The following CYFIP2 variants were observed in gnomAD, a reference collection of about 807,000 sequenced individuals.
CYFIP2 encodes cytoplasmic FMR1-interacting protein 2.
Under a neutral mutation model 158.7 loss-of-function variants are expected in CYFIP2, and 29 were observed. The observed-to-expected ratio is 0.18, with a 90% CI of 0.14 to 0.25. The LOEUF (loss-of-function observed/expected upper bound fraction) is 0.25. Ranked by LOEUF, CYFIP2 falls within the 10% of genes least tolerant of loss-of-function variation. The pLI, the probability that CYFIP2 is intolerant of heterozygous loss-of-function variation, is 1.00. For synonymous variants in CYFIP2, 585 were observed against 617.6 expected (o/e 0.95, Z 0.78); for missense variants, 852 against 1,639.5 (o/e 0.52, Z 8.29).
At chr5:157,332,055 G>A (rs1237306616) in intron 20 of CYFIP2, among the ~76,000 whole-genome samples, 2 of 152,158 alleles carry the variant, frequency 1.3e-5, no homozygotes, top group East Asian at 3.9e-4. Flanking sequence ...CCCTTGCTGA[G>A]GCAGCTGCTG....
intron 1 of CYFIP2, among the ~76,000 whole-genome samples, chr5:157,280,363 A>ATTTTTTTTTTTTTTTTT (rs57893061): frequency 2.9e-4 from 39 of 133,208 alleles, no homozygotes; most frequent in Non-Finnish European, 4.8e-4. Flanking sequence ...CGCCTGGCTA[A>ATTTTTTTTTTTTTTTTT]TTTTTTTTTT....
At chr5:157,325,696 G>A in intron 17 of CYFIP2, 58 bp downstream of exon 17, 1 of 1,506,070 alleles carries the variant, frequency 6.6e-7, no homozygotes, top group Non-Finnish European at 8.9e-7. Flanking sequence ...AGGGCAGTTT[G>A]CCAGGGAGAT....
chr5:157,317,842 T>C (rs1760271487), intron 13 of CYFIP2, among the ~76,000 whole-genome samples: 1 of 152,194 alleles, frequency 6.6e-6, no homozygotes, highest in African/African-American at 2.4e-5. Flanking sequence ...CATCATTTGA[T>C]GAGTTTTGGT....
At chr5:157,314,575 A>G (rs895309) in intron 12 of CYFIP2, 112 bp downstream of exon 12, 387,813 of 1,394,092 alleles carry the variant, frequency 0.28, 56,823 homozygotes, top group African/African-American at 0.48. Flanking sequence ...CAATTCACGT[A>G]CCATACGATT....
intron 23 of CYFIP2, among the ~76,000 whole-genome samples, chr5:157,355,731 A>G (rs1480969972): frequency 6.6e-6 from 1 of 152,204 alleles, no homozygotes. Context: ...CCTTTCTGAA[A>G]TATTTGAAAA....
chr5:157,293,012 ATG>A (rs1757951604), intron 3 of CYFIP2, among the ~76,000 whole-genome samples: 2 of 42,338 alleles, frequency 4.7e-5, no homozygotes, highest in African/African-American at 4.1e-4. Context: ...GAGCCCAGAT[ATG>A]TATGTATGTA....
chr5:157,303,086 C>T, intron 7 of CYFIP2, 196 bp downstream of exon 7: 2 of 536,828 alleles, frequency 3.7e-6, no homozygotes, highest in Non-Finnish European at 6.7e-6. Context: ...TCACCCTCTC[C>T]AGTTGTCATG....
At chr5:157,301,042 G>A in intron 6 of CYFIP2, 146 bp downstream of exon 6, 3 of 675,272 alleles carry the variant, frequency 4.4e-6, no homozygotes, top group East Asian at 3.0e-5. Context: ...GTGAGGCTTG[G>A]CCTGTTTCAG....
intron 11 of CYFIP2, among the ~76,000 whole-genome samples, chr5:157,313,106 C>G (rs971049278): frequency 3.9e-5 from 6 of 152,230 alleles, no homozygotes; most frequent in Admixed American, 3.3e-4. Context: ...CATGTTGAGT[C>G]TCATTATTCA....
intron 21 of CYFIP2, among the ~76,000 whole-genome samples, chr5:157,335,122 T>C (rs547300597): frequency 1.3e-3 from 197 of 152,350 alleles, no homozygotes; most frequent in Non-Finnish European, 2.1e-3. Flanking sequence ...CCCAGTCCTC[T>C]CCCTGCTACT....
intron 26 of CYFIP2, among the ~76,000 whole-genome samples, chr5:157,370,038 G>A (rs930437219): frequency 2.6e-5 from 4 of 152,016 alleles, no homozygotes; most frequent in Non-Finnish European, 4.4e-5. Context: ...CTGCCACCAT[G>A]CCTGGATAAT....
chr5:157,375,887 C>CT (rs1240588051), intron 26 of CYFIP2: 1 of 152,106 alleles, frequency 6.6e-6, no homozygotes, highest in Non-Finnish European at 1.5e-5. Flanking sequence ...CAAGAGCCCC[C>CT]TTTCCTCCTC....
At chr5:157,315,442 A>G (rs1347227949) in intron 13 of CYFIP2, among the ~76,000 whole-genome samples, 1 of 152,250 alleles carries the variant, frequency 6.6e-6, no homozygotes, top group Admixed American at 6.5e-5. Flanking sequence ...GATGGGATAC[A>G]GTGTTTACCA....
chr5:157,385,307 GT>G (rs1766566060), intron 28 of CYFIP2, among the ~76,000 whole-genome samples: 1 of 152,218 alleles, frequency 6.6e-6, no homozygotes, highest in Non-Finnish European at 1.5e-5. Context: ...TAGACATTCT[GT>G]GAGACAGGAA....
At position 157,330,777 on chromosome 5, in the gene CYFIP2, A is replaced by C; in HGVS notation, c.2192A>C (p.Lys731Thr). 6.2e-7 allele frequency: 1 copy of C among 1,613,994 alleles called. No homozygotes were observed. Among genetic ancestry groups the C allele is most frequent in the Non-Finnish European group, 8.5e-7 (1 of 1,179,898 alleles). Reference protein sequence around the residue: ...LLDKRFRAECKNYGVIIPYPP... With the variant: ...LLDKRFRAECTNYGVIIPYPP... ...GATAAACGTTTTCGAGCTGAGTGTAAGAATTATGGCGTCATCATTCCGTAT... is the reference window on the plus strand; with the variant it reads ...GATAAACGTTTTCGAGCTGAGTGTACGAATTATGGCGTCATCATTCCGTAT... Residue 731 changes from lysine to threonine, a missense_variant, in exon 20 of 31, where the codon AAG becomes ACG. Physicochemically the swap from Lys to Thr is moderately conservative, Grantham distance 78 (BLOSUM62 -1). This residue lies in a region of CYFIP2 where 191 missense variants were observed against 311.2 expected (regional missense o/e 0.61). Transcript: ENST00000620254.
At chr5:157,385,977 C>A (rs940666362) in intron 28 of CYFIP2, among the ~76,000 whole-genome samples, 43 of 151,894 alleles carry the variant, frequency 2.8e-4, no homozygotes, top group African/African-American at 1.0e-3. Flanking sequence ...CACCAAACTG[C>A]AAATTGAGGG....
intron 3 of CYFIP2, among the ~76,000 whole-genome samples, chr5:157,291,356 T>C (rs1757804325): frequency 1.3e-5 from 2 of 152,214 alleles, no homozygotes. Flanking sequence ...CACCCAGGGC[T>C]CTTTCCACTG....
chr5:157,381,238 G>GGTA (rs945096105), intron 26 of CYFIP2, among the ~76,000 whole-genome samples: 13 of 151,716 alleles, frequency 8.6e-5, no homozygotes, highest in African/African-American at 3.2e-4. Context: ...CTCTGGATTT[G>GGTA]GTAGTTCTTA....
chr5:157,287,081 T>C lies in CYFIP2; in HGVS notation c.180T>C (p.Ile60=). The change falls in exon 3 of 31, where the codon ATT becomes ATC. Residue 60 remains isoleucine (I), a synonymous_variant. Coordinates refer to ENST00000620254, the MANE Select transcript of CYFIP2 (RefSeq NM_001037333.3). The stretch of plus-strand genomic sequence containing the variant: ...TTGTCACGGGCATTGCAAGGTACAT[T>C]GAGCAGGCTACAGTCCACTCCAGCA... The part of the protein sequence containing the change: ...NAFVTGIARY[I]EQATVHSSMN... The C allele has an allele frequency of 6.2e-7, 1 of 1,613,506 alleles. No homozygotes were observed. Among genetic ancestry groups the C allele is most frequent in the Non-Finnish European group, 8.5e-7 (1 of 1,179,538 alleles).
Sources: allele counts gnomAD v4.1 joint callset (sites outside exome capture counted in the v4.1 genomes callset), GRCh38; gene constraint gnomAD v4.1.1; regional missense constraint gnomAD v4.1.1; transcripts MANE v1.5; gene names NCBI Gene and HGNC (gene_info 2026-07-23, HGNC 2026-07-21).